RALGAPA1: variants seen among roughly 807,000 people sequenced by gnomAD.
RALGAPA1 encodes the protein ral GTPase-activating protein subunit alpha-1.
Under a neutral mutation model 269.6 loss-of-function variants are expected in RALGAPA1, and 52 were observed. That is an observed-to-expected ratio of 0.19 (90% CI 0.15 to 0.24). The LOEUF is 0.24. Among genes scored for constraint, RALGAPA1 ranks in the 10% least tolerant of loss-of-function variants. The probability of loss-of-function intolerance (pLI) is 1.00; values close to 1 mark genes in which losing one functional copy is unlikely to be tolerated. For missense variants in RALGAPA1, 1,917 were observed against 3,013.9 expected (o/e 0.64, Z 8.52); for synonymous variants, 817 against 1,008.3 (o/e 0.81, Z 3.60).
chr14:35,708,413 A>C (rs2067996489), intron 16 of RALGAPA1, among the ~76,000 whole-genome samples: 1 of 152,316 alleles, frequency 6.6e-6, no homozygotes, highest in East Asian at 1.9e-4. Flanking sequence ...ACAGGAAAAA[A>C]ATTAATAATC....
chr14:35,807,068 A>G (rs2077429211), intron 1 of RALGAPA1, among the ~76,000 whole-genome samples: 3 of 152,230 alleles, frequency 2.0e-5, no homozygotes, highest in Admixed American at 2.0e-4. Context: ...AAAAGTATAT[A>G]TAAATAATTC....
intron 9 of RALGAPA1, 141 bp from the exon 10 acceptor site, chr14:35,748,965 G>C (rs2072415306): frequency 3.8e-6 from 5 of 1,332,952 alleles, no homozygotes; most frequent in African/African-American, 3.0e-5. Context: ...TCCGGGCATA[G>C]AGTTTCATTT....
At chr14:35,708,554 G>T (rs2068014220) in intron 16 of RALGAPA1, among the ~76,000 whole-genome samples, 1 of 151,948 alleles carries the variant, frequency 6.6e-6, no homozygotes, top group Admixed American at 6.6e-5. Context: ...CAATGAGATA[G>T]CCCACCCCAG....
intron 37 of RALGAPA1, 142 bp downstream of exon 37, chr14:35,595,492 T>C: frequency 4.2e-6 from 3 of 708,268 alleles, no homozygotes; most frequent in Non-Finnish European, 7.3e-6. Context: ...ACAACCACCC[T>C]ATTTTCAAGA....
chr14:35,771,493 G>T (rs1017844537), intron 3 of RALGAPA1, among the ~76,000 whole-genome samples: 10 of 152,220 alleles, frequency 6.6e-5, no homozygotes, highest in Middle Eastern at 3.4e-3. Context: ...CTGGCATGTT[G>T]ATCACTATTT....
chr14:35,626,007 A>C (rs1594872254), intron 34 of RALGAPA1, among the ~76,000 whole-genome samples: 1 of 152,172 alleles, frequency 6.6e-6, no homozygotes, highest in Admixed American at 6.5e-5. Context: ...CAACATACGG[A>C]CCATTCTACA....
intron 31 of RALGAPA1, among the ~76,000 whole-genome samples, chr14:35,644,214 C>A (rs545894978): frequency 1.7e-4 from 26 of 152,074 alleles, no homozygotes; most frequent in Non-Finnish European, 3.5e-4. Flanking sequence ...TGGGGAAGAT[C>A]TCTATGAACT....
chr14:35,634,097 CATTATATATAAAAT>C (rs1416539853), intron 33 of RALGAPA1, among the ~76,000 whole-genome samples: 1 of 151,940 alleles, frequency 6.6e-6, no homozygotes, highest in Non-Finnish European at 1.5e-5. Context: ...ATATAAATTC[CATTATATATAAAAT>C]ATCAAAAAGA....
At chr14:35,579,320 C>T (rs2057790152) in intron 37 of RALGAPA1, among the ~76,000 whole-genome samples, 1 of 152,088 alleles carries the variant, frequency 6.6e-6, no homozygotes, top group Admixed American at 6.6e-5. Flanking sequence ...TCACGTAGTG[C>T]CATAGTGAGG....
intron 7 of RALGAPA1, among the ~76,000 whole-genome samples, chr14:35,753,170 C>T (rs1384821844): frequency 1.3e-5 from 2 of 152,130 alleles, no homozygotes; most frequent in South Asian, 4.1e-4. Context: ...AGTGCTTAGA[C>T]AATGACGGAA....
intron 37 of RALGAPA1, among the ~76,000 whole-genome samples, chr14:35,578,771 G>GGTGTCTATAGATAGTTCTTT (rs1304958047): frequency 2.6e-5 from 4 of 152,138 alleles, no homozygotes; most frequent in Non-Finnish European, 2.9e-5. Context: ...TAAAGACAAA[G>GGTGTCTATAGATAGTTCTTT]GTGTCTATAG....
At position 35,728,747 on chromosome 14, in the gene RALGAPA1, T is replaced by G. The variant is rs184605927; in HGVS notation, c.1588-237A>C. Among the ~76,000 whole-genome samples, 4 of 152,206 alleles carry G rather than the reference T, an allele frequency of 2.6e-5. No homozygotes were observed. In the East Asian group the frequency reaches 7.7e-4, roughly 29 times the overall value. On this transcript the variant is annotated intron_variant, in intron 12 of 41. Coordinates refer to ENST00000680220, the MANE Select transcript of RALGAPA1 (RefSeq NM_001346249.2). Reference sequence around the variant, plus strand: ...ACAGTATTTCTTTCTTTTTTTTTTTTTTCGAGACAGAGTCTTGTTTAGTCA... The same window carrying G: ...ACAGTATTTCTTTCTTTTTTTTTTTGTTCGAGACAGAGTCTTGTTTAGTCA...
At chr14:35,702,508 A>ACC (rs2067438456) in intron 16 of RALGAPA1, among the ~76,000 whole-genome samples, 1 of 152,032 alleles carries the variant, frequency 6.6e-6, no homozygotes, top group South Asian at 2.1e-4. Context: ...TCAGAATCTC[A>ACC]CCCTATTCCA....
chr14:35,765,295 T>C (rs1318549078), intron 4 of RALGAPA1, among the ~76,000 whole-genome samples: 1 of 152,140 alleles, frequency 6.6e-6, no homozygotes, highest in Non-Finnish European at 1.5e-5. Flanking sequence ...TGGTCCGATT[T>C]GTTATTCTTC....
intron 41 of RALGAPA1, among the ~76,000 whole-genome samples, chr14:35,545,556 T>C (rs1349436394): frequency 6.6e-6 from 1 of 152,072 alleles, no homozygotes; most frequent in Non-Finnish European, 1.5e-5. Context: ...TATGTTTGTG[T>C]ATGTATATAT....
chr14:35,565,676 G>C (rs184029009), intron 39 of RALGAPA1, among the ~76,000 whole-genome samples: 65 of 151,854 alleles, frequency 4.3e-4, no homozygotes, highest in Admixed American at 4.3e-3. Flanking sequence ...ACATCCTATT[G>C]GTTCTGTTTC....
chr14:35,627,868 G>A lies in RALGAPA1; in HGVS notation c.6079C>T (p.Pro2027Ser). ...AGCATAGCAGGACCACCGCTCATTG[G>A]ATAATGGCCCAGGTGATTTACCAGA... Reference protein sequence around the residue: ...THLVNHLGHYPMSGGPAMLTS... With the variant: ...THLVNHLGHYSMSGGPAMLTS... The change falls in exon 34 of 42, where the codon CCA (proline) becomes TCA (serine). Residue 2027 changes from proline (P) to serine (S), a missense_variant. Pro to Ser is a moderately conservative substitution (Grantham distance 74, BLOSUM62 -1). Around this residue, in one of 11 missense-constraint regions of RALGAPA1, gnomAD observed 346 missense variants for 566.1 expected, o/e 0.61. Transcript: ENST00000680220. 2 of 1,580,184 alleles carry A rather than the reference G, an allele frequency of 1.3e-6. No homozygotes were observed. The highest frequency in any genetic ancestry group is 1.7e-6 in the Non-Finnish European group (2 of 1,159,124).
chr14:35,645,346 G>GGCGTGTGTGTGTGTGTGT, intron 31 of RALGAPA1, among the ~76,000 whole-genome samples: 1 of 129,488 alleles, frequency 7.7e-6, no homozygotes, highest in East Asian at 2.3e-4. Context: ...TATAGAGATG[G>GGCGTGTGTGTGTGTGTGT]GTGTGTGTGT....
chr14:35,792,688 CA>C (rs928697767), intron 1 of RALGAPA1, among the ~76,000 whole-genome samples: 16 of 148,426 alleles, frequency 1.1e-4, no homozygotes, highest in Non-Finnish European at 5.9e-5. Flanking sequence ...GAGGCTGAGA[CA>C]TAAGAATTGC....
Sources: allele counts gnomAD v4.1 joint callset (sites outside exome capture counted in the v4.1 genomes callset), GRCh38; gene constraint gnomAD v4.1.1; regional missense constraint gnomAD v4.1.1; transcripts MANE v1.5; gene names NCBI Gene and HGNC (gene_info 2026-07-23, HGNC 2026-07-21).